The following ZNF519 variants were observed in gnomAD, a reference collection of about 807,000 sequenced individuals.
ZNF519 encodes the protein zinc finger protein 519.
Under a neutral mutation model 7.4 loss-of-function variants are expected in ZNF519, and 7 were observed. That is an observed-to-expected ratio of 0.94 (90% CI 0.54 to 1.77). ZNF519 has a LOEUF of 1.77. ZNF519 is among the 40% of genes most tolerant of loss of function. The probability of loss-of-function intolerance (pLI) is 0.00; values close to 1 mark genes in which losing one functional copy is unlikely to be tolerated. For missense variants in ZNF519, 586 were observed against 623.1 expected, an observed-to-expected ratio of 0.94 and a Z score of 0.63; for synonymous variants, 179 against 203.3, an observed-to-expected ratio of 0.88 and a Z score of 1.02.
intron 2 of ZNF519, among the ~76,000 whole-genome samples, chr18:14,089,110 A>G (rs2046103616): frequency 6.6e-6 from 1 of 152,218 alleles, no homozygotes; most frequent in South Asian, 2.1e-4. Flanking sequence ...TCTGTGATGA[A>G]TATAAGTATG....
At chr18:14,077,520 A>G (rs1353396887) in exon 5 of ZNF519, 1 of 152,186 alleles carries the variant, frequency 6.6e-6, no homozygotes, top group Non-Finnish European at 1.5e-5. Flanking sequence ...TGCAATAATC[A>G]TTTCACCTGT....
Position 14,103,562 on chromosome 18 carries a change from C to T in ZNF519, c.*1355G>A, listed in dbSNP as rs756475474. The T allele has an allele frequency of 6.6e-6, 1 of 151,940 alleles. No homozygotes were observed. The highest frequency in any genetic ancestry group is 2.4e-5 in the African/African-American group (1 of 41,370). The allele number at this position is 151,940 out of a possible 1,614,324, so 9.4% of individuals were successfully genotyped here. ...CAGAGAAATTCATAGCAGTAAACAC[C>T]TACATTAAAAACAAACAATTTTAAA... On this transcript the variant is annotated 3_prime_UTR_variant, in exon 3 of 3. Coordinates refer to ENST00000590202, the MANE Select transcript of ZNF519 (RefSeq NM_145287.4).
chr18:14,111,205 G>T (rs531607939), intron 2 of ZNF519, among the ~76,000 whole-genome samples: 1,913 of 118,958 alleles, frequency 0.016, 41 homozygotes, highest in African/African-American at 0.052. Context: ...GCCAGACTAA[G>T]AAAAAAAAAG....
chr18:14,096,355 G>A (rs554317113), downstream of ZNF519, among the ~76,000 whole-genome samples: 8 of 152,246 alleles, frequency 5.3e-5, no homozygotes, highest in South Asian at 1.7e-3. Flanking sequence ...TCTTGTGAAA[G>A]TTATTTGTAG....
At chr18:14,091,224 A>G (rs2046113158) in intron 2 of ZNF519, among the ~76,000 whole-genome samples, 1 of 152,160 alleles carries the variant, frequency 6.6e-6, no homozygotes, top group Non-Finnish European at 1.5e-5. Context: ...GTTAAATTAC[A>G]CGGAGATGGT....
chr18:14,074,803 A>G (rs1480326937), downstream of ZNF519: 1 of 152,110 alleles, frequency 6.6e-6, no homozygotes, highest in African/African-American at 2.4e-5. Context: ...AAGTATTCCA[A>G]CCTTTCCCTG....
chr18:14,115,892 C>T (rs777624065), intron 2 of ZNF519, among the ~76,000 whole-genome samples: 24 of 152,122 alleles, frequency 1.6e-4, no homozygotes, highest in African/African-American at 4.8e-5. Flanking sequence ...GTGTCAGGGG[C>T]TAAGTGGAGA....
At chr18:14,130,847 G>GAAA (rs56750676) in intron 1 of ZNF519, among the ~76,000 whole-genome samples, 1,569 of 145,178 alleles carry the variant, frequency 0.011, 10 homozygotes, top group Middle Eastern at 0.032. Context: ...GGGGTTGGGG[G>GAAA]AAAAAAAAAA....
intron 2 of ZNF519, among the ~76,000 whole-genome samples, chr18:14,109,117 C>CAAAAAA (rs1394519344): frequency 8.5e-6 from 1 of 117,344 alleles, no homozygotes; most frequent in African/African-American, 3.5e-5. Flanking sequence ...AACTCCGTCT[C>CAAAAAA]AAAAAAAAAA....
downstream of ZNF519, chr18:14,071,228 T>C (rs951535570): frequency 5.9e-5 from 9 of 152,216 alleles, no homozygotes; most frequent in African/African-American, 1.7e-4. Context: ...ACTCTTTTAA[T>C]GTCATACTGG....
rs531557205 is a variant in ZNF519 at position 14,124,860 on chromosome 18, T to C, written c.4-384A>G. ...ACAGGGATGTTTTCACCTAGAACAA[T>C]AGACAGGATCTCTGGGGAGGGCACA... On this transcript the variant is annotated intron_variant, in intron 1 of 2. Transcript: ENST00000590202. Among the ~76,000 whole-genome samples, 28 of 152,232 alleles carry C rather than the reference T, an allele frequency of 1.8e-4. 1 individual carries two copies. In the Middle Eastern group the frequency reaches 0.01, roughly 55 times the overall value.
Position 14,102,518 on chromosome 18 carries a change from T to TGAATGCA in ZNF519, c.*2392_*2398dup, listed in dbSNP as rs1265171308. 2.6e-5 allele frequency: 4 copies of TGAATGCA among 152,188 alleles called. No individual in the cohort carries two copies. Among genetic ancestry groups the TGAATGCA allele is most frequent in the Non-Finnish European group, 5.9e-5 (4 of 68,044 alleles). The allele number at this position is 152,188 out of a possible 1,614,324, so 9.4% of individuals were successfully genotyped here. On this transcript the variant is annotated 3_prime_UTR_variant, in exon 3 of 3. Coordinates refer to ENST00000590202, the MANE Select transcript of ZNF519 (RefSeq NM_145287.4). ...AGATGCTGGAAACTACTACCCTTAC[T>TGAATGCA]GAATGCAGAAAAAGCAAACATATAA...
chr18:14,092,459 A>T (rs2046118437), intron 2 of ZNF519, among the ~76,000 whole-genome samples: 1 of 152,134 alleles, frequency 6.6e-6, no homozygotes, highest in African/African-American at 2.4e-5. Flanking sequence ...TGTAGTTATA[A>T]ATGTGACAGG....
At position 14,101,624 on chromosome 18, in the gene ZNF519, C is replaced by T. The variant is rs2143116612; in HGVS notation, c.*3293G>A. ...AGGTGGAGTCCTGGCAGAAGGCCTT[C>T]TCAGCCATGTCTGGGCCCTGGTTAT... On this transcript the variant is annotated 3_prime_UTR_variant, in exon 3 of 3. Coordinates refer to ENST00000590202, the MANE Select transcript of ZNF519 (RefSeq NM_145287.4). The T allele has an allele frequency of 2.5e-6, 1 of 398,560 alleles. No individual in the cohort carries two copies. Among genetic ancestry groups the T allele is most frequent in the South Asian group, 1.3e-4 (1 of 7,848 alleles). 24.7% of individuals were successfully genotyped at this position (398,560 alleles called of 1,614,324 possible).
chr18:14,098,161 C>CTTTTTT (rs11438208), downstream of ZNF519, among the ~76,000 whole-genome samples: 2 of 139,802 alleles, frequency 1.4e-5, no homozygotes, highest in African/African-American at 5.3e-5. Context: ...CTTTCACTGT[C>CTTTTTT]TTTTTTTTTT....
chr18:14,108,845 C>T (rs925790920), intron 2 of ZNF519, among the ~76,000 whole-genome samples: 4 of 152,034 alleles, frequency 2.6e-5, no homozygotes, highest in African/African-American at 9.7e-5. Context: ...AATCTCAGCA[C>T]TTTGGGAGGC....
chr18:14,076,570 A>G (rs1314707926), exon 5 of ZNF519: 1 of 152,220 alleles, frequency 6.6e-6, no homozygotes, highest in Non-Finnish European at 1.5e-5. Context: ...AATATAAAAT[A>G]AAATTATTTC....
intron 2 of ZNF519, among the ~76,000 whole-genome samples, chr18:14,088,545 T>A (rs763195271): frequency 6.6e-6 from 1 of 152,178 alleles, no homozygotes; most frequent in African/African-American, 2.4e-5. Context: ...CAGGACCACA[T>A]AAGGTTCAAA....
At position 14,106,118 on chromosome 18, in the gene ZNF519, G is replaced by C. The variant is rs759199669; in HGVS notation, c.422C>G (p.Pro141Arg). ...AAATTTATGTTGATATTTATTCATA[G>C]GAATACATGGTTCTGTAGGAGCAGC... ...LSAAPTEPCIPMNKYQHKFLK... is the reference protein window; with the variant it reads ...LSAAPTEPCIRMNKYQHKFLK... Residue 141 changes from proline (P) to arginine (R), a missense_variant, in exon 3 of 3, where the codon CCT (proline) becomes CGT (arginine). Pro to Arg is a moderately radical substitution (Grantham distance 103). Coordinates refer to ENST00000590202, the MANE Select transcript of ZNF519 (RefSeq NM_145287.4). The C allele has an allele frequency of 1.9e-6, 3 of 1,609,754 alleles. No individual in the cohort carries two copies. Among genetic ancestry groups the C allele is most frequent in the South Asian group, 1.1e-5 (1 of 90,016 alleles).
Sources: allele counts gnomAD v4.1 joint callset (sites outside exome capture counted in the v4.1 genomes callset), GRCh38; gene constraint gnomAD v4.1.1; transcripts MANE v1.5; gene names NCBI Gene and HGNC (gene_info 2026-07-23, HGNC 2026-07-21).